Variants in CREB5 observed in about 807,000 individuals in gnomAD.
CREB5 encodes the protein cAMP responsive element binding protein 5, also known as cyclic AMP-responsive element-binding protein 5.
CREB5 carries 19 observed loss-of-function variants against 57.1 expected under a neutral mutation model. The ratio of observed to expected loss-of-function variants is 0.33; its 90% CI spans 0.23 to 0.49. CREB5 has a LOEUF of 0.49. Among genes scored for constraint, CREB5 ranks in the 20% least tolerant of loss-of-function variants. The pLI is 0.99. For missense variants in CREB5, 579 were observed against 671.6 expected, an observed-to-expected ratio of 0.86 and a Z score of 1.52; for synonymous variants, 238 against 238.3, an observed-to-expected ratio of 1.00 and a Z score of 0.01.
At chr7:28,486,429 G>T (rs1420241678) in intron 1 of CREB5, among the ~76,000 whole-genome samples, 1 of 151,362 alleles carries the variant, frequency 6.6e-6, no homozygotes, top group East Asian at 2.0e-4. Context: ...CCTATTTCAG[G>T]GTCCAAGGTG....
intron 1 of CREB5, among the ~76,000 whole-genome samples, chr7:28,420,413 T>A (rs1184711197): frequency 6.6e-6 from 1 of 152,206 alleles, no homozygotes; most frequent in Non-Finnish European, 1.5e-5. Flanking sequence ...TTCACATAGT[T>A]GTAGTTATTT....
intron 5 of CREB5, among the ~76,000 whole-genome samples, chr7:28,606,398 C>A (rs751023881): frequency 1.3e-5 from 2 of 152,132 alleles, no homozygotes; most frequent in Non-Finnish European, 2.9e-5. Context: ...TGATGAGTTA[C>A]CCCCACATCC....
At position 28,560,941 on chromosome 7, in the gene CREB5, CGTGT is replaced by C. The variant is rs1301747861; in HGVS notation, c.292-9418_292-9415del. Among the ~76,000 whole-genome samples the C allele has an allele frequency of 3.7e-3, 167 of 44,640 alleles. 18 individuals are homozygous for C. Among genetic ancestry groups the C allele is most frequent in the African/African-American group, 0.016 (149 of 9,212 alleles). 29.3% of individuals were successfully genotyped at this position (44,640 alleles called of 152,430 possible). On this transcript the variant is annotated intron_variant, in intron 4 of 10. Coordinates refer to ENST00000357727, the MANE Select transcript of CREB5 (RefSeq NM_182898.4). ...GTGTGTGCGCGTGCGTGTGTGCGTG[CGTGT>C]GTGTGCGTGTGTGTGCGTGTGTGTG...
intron 5 of CREB5, chr7:28,609,109 T>C (rs1229492274): frequency 2.0e-5 from 3 of 152,240 alleles, no homozygotes; most frequent in Non-Finnish European, 4.4e-5. Context: ...TTTCTAAAAA[T>C]GCAGACCTGA....
At chr7:28,706,567 G>A (rs377137230) in intron 5 of CREB5, among the ~76,000 whole-genome samples, 1 of 152,152 alleles carries the variant, frequency 6.6e-6, no homozygotes, top group African/African-American at 2.4e-5. Flanking sequence ...AAATAGCAAA[G>A]CCAGGTTGAA....
At chr7:28,499,831 G>T (rs560325548) in intron 3 of CREB5, among the ~76,000 whole-genome samples, 1 of 152,014 alleles carries the variant, frequency 6.6e-6, no homozygotes, top group Non-Finnish European at 1.5e-5. Context: ...GATCTGCCCC[G>T]CTTGGCCTCC....
intron 5 of CREB5, among the ~76,000 whole-genome samples, chr7:28,618,384 T>C (rs1378810725): frequency 6.6e-6 from 1 of 152,308 alleles, no homozygotes; most frequent in African/African-American, 2.4e-5. Context: ...AGAAATGACA[T>C]GTTATTCAAA....
At chr7:28,737,946 CAG>C (rs1214191622) in intron 7 of CREB5, among the ~76,000 whole-genome samples, 7 of 152,064 alleles carry the variant, frequency 4.6e-5, no homozygotes, top group African/African-American at 1.2e-4. Context: ...TTTTAGAAAA[CAG>C]AGCTCAGTGC....
intron 7 of CREB5, among the ~76,000 whole-genome samples, chr7:28,746,294 T>C (rs546830230): frequency 6.6e-6 from 1 of 152,320 alleles, no homozygotes; most frequent in African/African-American, 2.4e-5. Context: ...TCTCACTCTA[T>C]GTAAAGCAAC....
chr7:28,756,557 C>CAAA (rs34257489), intron 7 of CREB5, among the ~76,000 whole-genome samples: 291 of 140,636 alleles, frequency 2.1e-3, no homozygotes, highest in Non-Finnish European at 2.4e-3. Context: ...ATTCCATCTC[C>CAAA]AAAAAAAAAA....
intron 5 of CREB5, among the ~76,000 whole-genome samples, chr7:28,673,734 G>C (rs190719610): frequency 4.9e-4 from 67 of 137,574 alleles, no homozygotes; most frequent in African/African-American, 1.8e-3. Context: ...GTGCAGTGGC[G>C]TGATCTCAGC....
At chr7:28,701,605 TTCTA>T (rs1461553504) in intron 5 of CREB5, among the ~76,000 whole-genome samples, 1 of 152,182 alleles carries the variant, frequency 6.6e-6, no homozygotes, top group Non-Finnish European at 1.5e-5. Context: ...GGGTATATAT[TTCTA>T]TCTAATAGTC....
intron 1 of CREB5, among the ~76,000 whole-genome samples, chr7:28,361,260 C>T (rs1000673620): frequency 9.2e-5 from 14 of 152,280 alleles, no homozygotes; most frequent in Admixed American, 8.5e-4. Context: ...TCAGTGTTCC[C>T]GTTATGGCTC....
At chr7:28,665,816 C>T (rs1260948701) in intron 5 of CREB5, among the ~76,000 whole-genome samples, 2 of 151,944 alleles carry the variant, frequency 1.3e-5, no homozygotes, top group Non-Finnish European at 2.9e-5. Flanking sequence ...AAGTTTGAGA[C>T]CAGTCTGGGC....
chr7:28,410,184 C>G, upstream of CREB5: 1 of 448,000 alleles, frequency 2.2e-6, no homozygotes, highest in South Asian at 1.6e-5. Context: ...AGGTCGCCCT[C>G]GGAGGGCGCT....
At chr7:28,672,175 G>GA (rs201063096) in intron 5 of CREB5, among the ~76,000 whole-genome samples, 12 of 88,134 alleles carry the variant, frequency 1.4e-4, no homozygotes, top group South Asian at 3.7e-4. Flanking sequence ...TTGTATTATG[G>GA]AAAAAAAAAA....
At chr7:28,541,083 G>A (rs1009293844) in intron 4 of CREB5, among the ~76,000 whole-genome samples, 7 of 152,112 alleles carry the variant, frequency 4.6e-5, no homozygotes, top group African/African-American at 1.4e-4. Flanking sequence ...TAAATAATGC[G>A]TAAATGAATA....
chr7:28,804,728 A>G (rs1415759552), intron 8 of CREB5, among the ~76,000 whole-genome samples: 1 of 152,176 alleles, frequency 6.6e-6, no homozygotes, highest in East Asian at 1.9e-4. Flanking sequence ...ACACTAAAAA[A>G]TATCAGGTCT....
chr7:28,565,877 C>T lies in CREB5; in HGVS notation c.292-4488C>T, dbSNP rs113883146. Among the ~76,000 whole-genome samples, 1,253 of 152,242 alleles carry T rather than the reference C, an allele frequency of 8.2e-3. 18 individuals carry two copies. The highest frequency in any genetic ancestry group is 0.029 in the African/African-American group (1,200 of 41,540). ...CAGAGATTGCAGTGAACCGAGACTGCGTCATTGTACTCCAGCCTGGGTGAC... is the reference window on the plus strand; with the variant it reads ...CAGAGATTGCAGTGAACCGAGACTGTGTCATTGTACTCCAGCCTGGGTGAC... On this transcript the variant is annotated intron_variant, in intron 4 of 10. Coordinates refer to ENST00000357727, the MANE Select transcript of CREB5 (RefSeq NM_182898.4).
Sources: allele counts gnomAD v4.1 joint callset (sites outside exome capture counted in the v4.1 genomes callset), GRCh38; gene constraint gnomAD v4.1.1; transcripts MANE v1.5; gene names NCBI Gene and HGNC (gene_info 2026-07-23, HGNC 2026-07-21).